USP6NL: variants seen among roughly 807,000 people sequenced by gnomAD.
The protein encoded by USP6NL is USP6 N-terminal like.
In USP6NL, 26 loss-of-function variants were observed where a neutral mutation model predicts 61.9. That is an observed-to-expected ratio of 0.42 (90% CI 0.31 to 0.58). USP6NL has a LOEUF of 0.58. Ranked by LOEUF, USP6NL falls within the 20% of genes least tolerant of loss-of-function variation. USP6NL has a pLI of 0.16. For missense variants in USP6NL, 1,114 were observed against 1,034.3 expected (o/e 1.08, Z -1.06); for synonymous variants, 432 against 390.1 (o/e 1.11, Z -1.27).
At chr10:11,527,144 AG>A (rs1236144913) in intron 3 of USP6NL, among the ~76,000 whole-genome samples, 7 of 152,020 alleles carry the variant, frequency 4.6e-5, no homozygotes, top group Admixed American at 1.3e-4. Flanking sequence ...TTAAACAGGG[AG>A]GTGGGAGGTC....
In USP6NL at chr10:11,562,581, C is replaced by CA; in HGVS notation, c.5-35015dup. The CA allele has an allele frequency of 7.1e-6, 7 of 985,414 alleles. No individual in the cohort carries two copies. Among genetic ancestry groups the CA allele is most frequent in the Non-Finnish European group, 8.4e-6 (7 of 829,926 alleles). The allele number at this position is 985,414 out of a possible 1,614,324, so 61.0% of individuals were successfully genotyped here. On this transcript the variant is annotated intron_variant, in intron 2 of 14. Transcript: ENST00000609104. This position sits in a 1 kb window ranked among gnomAD's most constrained non-coding sequence, Gnocchi z 4.8. ...GCTAGCCTGGACTGTTTCAGCCACT[C>CA]AGCCAGGTTTTAAATTACTTGCAAC...
Position 11,540,337 on chromosome 10 carries a change from T to C in USP6NL, c.5-12770A>G, listed in dbSNP as rs1835999117. The stretch of plus-strand genomic sequence containing the variant: ...GTTTTAGGATAATAACAAGAAATGA[T>C]CTGGAAACATGTAAAAATTTGACAC... On this transcript the variant is annotated intron_variant, in intron 2 of 14. Transcript: ENST00000609104. The surrounding 1 kb of genome is among the most constrained non-coding windows in gnomAD (Gnocchi z 5.0). 6.6e-6 allele frequency among the ~76,000 whole-genome samples: 1 copy of C among 152,224 alleles called. No individual in the cohort carries two copies. Among genetic ancestry groups the C allele is most frequent in the Non-Finnish European group, 1.5e-5 (1 of 68,020 alleles).
intron 13 of USP6NL, among the ~76,000 whole-genome samples, chr10:11,483,994 T>C (rs529110016): frequency 2.0e-5 from 3 of 152,278 alleles, no homozygotes; most frequent in South Asian, 2.1e-4. Context: ...ACCAATCTTA[T>C]AGTAAAGTCC....
At chr10:11,506,631 A>G (rs973440726) in intron 6 of USP6NL, among the ~76,000 whole-genome samples, 1 of 152,104 alleles carries the variant, frequency 6.6e-6, no homozygotes, top group Non-Finnish European at 1.5e-5. Context: ...CCTGGGCAAC[A>G]GAGACCGTGT....
chr10:11,573,599 A>T (rs1469859098), intron 2 of USP6NL: 3 of 398,724 alleles, frequency 7.5e-6, no homozygotes, highest in Non-Finnish European at 1.3e-5. Context: ...CATTCTGCTA[A>T]TCCTACCTTC....
At chr10:11,526,343 C>T (rs879709489) in intron 3 of USP6NL, among the ~76,000 whole-genome samples, 1 of 152,140 alleles carries the variant, frequency 6.6e-6, no homozygotes, top group Non-Finnish European at 1.5e-5. Flanking sequence ...TCTCAGTACA[C>T]TGGGAGCATC....
rs1835527628 is a variant in USP6NL at position 11,528,829 on chromosome 10, G to A, written c.5-1262C>T. On this transcript the variant is annotated intron_variant, in intron 2 of 14. Coordinates refer to ENST00000609104, the MANE Select transcript of USP6NL (RefSeq NM_014688.5). The surrounding 1 kb of genome is among the most constrained non-coding windows in gnomAD (Gnocchi z 4.6). The stretch of plus-strand genomic sequence containing the variant: ...AAGGAGAGGTGGGGTTAAAAACAAG[G>A]GAGCTGAGTAAAGGAAGTCAAATCC... Among the ~76,000 whole-genome samples, 1 of 152,128 alleles carries A rather than the reference G, an allele frequency of 6.6e-6. No individual in the cohort carries two copies. Among genetic ancestry groups the A allele is most frequent in the Admixed American group, 6.6e-5 (1 of 15,264 alleles).
intron 1 of USP6NL, among the ~76,000 whole-genome samples, chr10:11,601,978 C>A (rs971930983): frequency 2.6e-5 from 4 of 151,736 alleles, no homozygotes; most frequent in African/African-American, 9.7e-5. Context: ...ACTGTCCTAC[C>A]CCCTAAAAAA....
chr10:11,594,648 G>A (rs952690538), intron 2 of USP6NL, among the ~76,000 whole-genome samples: 2 of 152,010 alleles, frequency 1.3e-5, no homozygotes, highest in Non-Finnish European at 2.9e-5. Flanking sequence ...ACATTGCTCC[G>A]CCAGCCTGGA....
At chr10:11,526,097 C>A (rs2133398159) in intron 3 of USP6NL, among the ~76,000 whole-genome samples, 1 of 152,286 alleles carries the variant, frequency 6.6e-6, no homozygotes, top group Non-Finnish European at 1.5e-5. Flanking sequence ...TCCTCATGCT[C>A]CATCAACTCT....
chr10:11,579,802 A>C (rs1588407345), intron 2 of USP6NL, among the ~76,000 whole-genome samples: 1 of 151,934 alleles, frequency 6.6e-6, no homozygotes, highest in Non-Finnish European at 1.5e-5. Flanking sequence ...ATTTTCTATA[A>C]AAGCTAGATA....
At chr10:11,469,633 G>C (rs1377328160) in intron 14 of USP6NL, among the ~76,000 whole-genome samples, 2 of 152,184 alleles carry the variant, frequency 1.3e-5, no homozygotes, top group Non-Finnish European at 2.9e-5. Flanking sequence ...GCAGGAGACA[G>C]GGATATAAGA....
rs1832313000 is a variant in USP6NL, at chr10:11,463,875, A to G, written c.1079-26T>C. On this transcript the variant is annotated intron_variant, in intron 14 of 14. Transcript: ENST00000609104. This position sits in a 1 kb window ranked among gnomAD's most constrained non-coding sequence, Gnocchi z 6.3. ...CTGAAAAGAAAGAGAAAGGCTAAGT[A>G]AGATAATACACGAGTAAACAGTAGC... 2 of 1,455,042 alleles carry G rather than the reference A, an allele frequency of 1.4e-6. No individual in the cohort carries two copies. The highest frequency in any genetic ancestry group is 2.5e-5 in the East Asian group (1 of 40,098). The allele number at this position is 1,455,042 out of a possible 1,614,324, so 90.1% of individuals were successfully genotyped here.
intron 2 of USP6NL, among the ~76,000 whole-genome samples, chr10:11,546,305 T>C (rs1836269040): frequency 6.6e-6 from 1 of 152,254 alleles, no homozygotes; most frequent in Non-Finnish European, 1.5e-5. Context: ...AGTTAATGAC[T>C]TAATTAGAAA....
chr10:11,537,824 C>T lies in USP6NL; in HGVS notation c.5-10257G>A, dbSNP rs969484577. Among the ~76,000 whole-genome samples, 1 of 152,194 alleles carries T rather than the reference C, an allele frequency of 6.6e-6. No individual in the cohort carries two copies. The highest frequency in any genetic ancestry group is 1.5e-5 in the Non-Finnish European group (1 of 68,034). Reference sequence around the variant, plus strand: ...GGTGTGCCCACTTGTAATGCTATTGCCCAAATGATTTCCCTTCCCGTCAGC... The same window carrying T: ...GGTGTGCCCACTTGTAATGCTATTGTCCAAATGATTTCCCTTCCCGTCAGC... On this transcript the variant is annotated intron_variant, in intron 2 of 14. Transcript: ENST00000609104. The surrounding 1 kb of genome is among the most constrained non-coding windows in gnomAD (Gnocchi z 5.1).
Position 11,462,667 on chromosome 10 carries a change from C to G in USP6NL, c.2261G>C (p.Arg754Pro), listed in dbSNP as rs780150922. The change falls in exon 15 of 15, where the codon CGA becomes CCA. Residue 754 changes from arginine to proline, a missense_variant. Physicochemically the swap from Arg to Pro is moderately radical, Grantham distance 103. Transcript: ENST00000609104. ...TGGTAAATTGCCACGGCTAGCATCT[C>G]GGGTCCATGATTGTCCCTGCGTCTC... ...RPETQGQSWTRDASRGNLPKY... is the reference protein window; with the variant it reads ...RPETQGQSWTPDASRGNLPKY... 1.9e-6 allele frequency: 3 copies of G among 1,613,844 alleles called. No homozygotes were observed. The Admixed American group carries it at 5.0e-5, about 27-fold the overall frequency.
In USP6NL at chr10:11,470,748, A is replaced by G. The variant is rs563761212; in HGVS notation, c.1079-6899T>C. Among the ~76,000 whole-genome samples, 58 of 152,372 alleles carry G rather than the reference A, an allele frequency of 3.8e-4. No individual in the cohort carries two copies. The highest frequency in any genetic ancestry group is 1.4e-3 in the African/African-American group (57 of 41,586). The stretch of plus-strand genomic sequence containing the variant: ...ACACATAATTGATGTCAAAACAGAA[A>G]ACTATATATAGGCAATAAGCATTCC... On this transcript the variant is annotated intron_variant, in intron 14 of 14. Coordinates refer to ENST00000609104, the MANE Select transcript of USP6NL (RefSeq NM_014688.5). The surrounding 1 kb of genome is among the most constrained non-coding windows in gnomAD (Gnocchi z 5.4).
At chr10:11,559,434 C>T (rs1310598476) in intron 2 of USP6NL, among the ~76,000 whole-genome samples, 15 of 152,106 alleles carry the variant, frequency 9.9e-5, no homozygotes, top group Admixed American at 6.5e-5. Flanking sequence ...TGATTCAACA[C>T]GCAAAATTTA....
intron 4 of USP6NL, among the ~76,000 whole-genome samples, chr10:11,522,385 T>C (rs140310141): frequency 2.0e-5 from 3 of 152,336 alleles, no homozygotes; most frequent in Non-Finnish European, 4.4e-5. Context: ...CAGGGAATAA[T>C]ATCTACATGC....
Sources: allele counts gnomAD v4.1 joint callset (sites outside exome capture counted in the v4.1 genomes callset), GRCh38; gene constraint gnomAD v4.1.1; non-coding constraint Gnocchi (gnomAD v3.1); transcripts MANE v1.5; gene names NCBI Gene and HGNC (gene_info 2026-07-23, HGNC 2026-07-21).